PEX19: variants seen among roughly 807,000 people sequenced by gnomAD.
PEX19 encodes peroxisomal biogenesis factor 19.
In PEX19, 29 loss-of-function variants were observed where a neutral mutation model predicts 36.3. The ratio of observed to expected loss-of-function variants is 0.80; its 90% CI spans 0.60 to 1.09. PEX19 has a LOEUF of 1.09. Among genes scored for constraint, PEX19 ranks in the 50% least tolerant of loss-of-function variants. The pLI is 0.00. For synonymous variants in PEX19, 141 were observed against 135.2 expected (o/e 1.04, Z -0.30); for missense variants, 396 against 368.1 (o/e 1.08, Z -0.62).
Position 160,282,187 on chromosome 1 carries a change from G to A in PEX19, c.446C>T (p.Ser149Leu), listed in dbSNP as rs770461028. The A allele has an allele frequency of 4.3e-6, 7 of 1,614,070 alleles. No homozygotes were observed. Among genetic ancestry groups the A allele is most frequent in the South Asian group, 3.3e-5 (3 of 91,068 alleles). Residue 149 changes from serine (S) to leucine (L), a missense_variant, in exon 5 of 8, where the codon TCG (serine) becomes TTG (leucine). Coordinates refer to ENST00000368072, the MANE Select transcript of PEX19 (RefSeq NM_002857.4). ...CATGGCCTTGGTCAGCTCTTCTTCC[G>A]ACATGCTGGAGTTCTAGATAGGACA... The part of the protein sequence containing the change: ...NATDLQNSSM[S>L]EEELTKAMEG...
chr1:160,283,507 C>T (rs1657871401), intron 2 of PEX19, 23 bp downstream of exon 2: 1 of 1,539,324 alleles, frequency 6.5e-7, no homozygotes, highest in Non-Finnish European at 9.0e-7. Flanking sequence ...CCTCCCCATC[C>T]CTTAAGGGGG....
At position 160,283,071 on chromosome 1, in the gene PEX19, T is replaced by C. The variant is rs767113471; in HGVS notation, c.219A>G (p.Glu73=). Residue 73 remains glutamate (E), a synonymous_variant, in exon 3 of 8, where the codon GAA becomes GAG. Coordinates refer to ENST00000368072, the MANE Select transcript of PEX19 (RefSeq NM_002857.4). Reference sequence around the variant, plus strand: ...GGGAAGCCAGTTCACTGTCGAATAGTTCCTGGAAAAACTTCTCTTGGGAAG... The same window carrying C: ...GGGAAGCCAGTTCACTGTCGAATAGCTCCTGGAAAAACTTCTCTTGGGAAG... ...LFASQEKFFQ[E]LFDSELASQA... The C allele has an allele frequency of 6.8e-6, 11 of 1,613,906 alleles. No homozygotes were observed. Among genetic ancestry groups the C allele is most frequent in the African/African-American group, 2.7e-5 (2 of 74,904 alleles).
chr1:160,282,011 G>C, intron 5 of PEX19, 28 bp downstream of exon 5: 1 of 1,605,246 alleles, frequency 6.2e-7, no homozygotes. Context: ...AAAATGAAGA[G>C]AAAAAGCAGA....
chr1:160,279,841 T>G lies in PEX19; in HGVS notation c.776A>C (p.Gln259Pro). Reference protein sequence around the residue: ...EMVLDLMQQLQDLGHPPKELA... With the variant: ...EMVLDLMQQLPDLGHPPKELA... Reference sequence around the variant, plus strand: ...CTCTTTTGGAGGATGGCCTAAATCTTGTAGCTAGAAAATAAGGAAAATGGA... The same window carrying G: ...CTCTTTTGGAGGATGGCCTAAATCTGGTAGCTAGAAAATAAGGAAAATGGA... Residue 259 changes from glutamine (Q) to proline (P), a missense_variant, in exon 7 of 8, where the codon CAA becomes CCA. Coordinates refer to ENST00000368072, the MANE Select transcript of PEX19 (RefSeq NM_002857.4). 6.2e-7 allele frequency: 1 copy of G among 1,612,848 alleles called. No individual in the cohort carries two copies. The highest frequency in any genetic ancestry group is 8.5e-7 in the Non-Finnish European group (1 of 1,178,786).
rs1031514470 is a variant in PEX19 at position 160,277,017 on chromosome 1, G to C, written c.*2534C>G. The C allele has an allele frequency of 2.2e-6, 1 of 453,954 alleles. No homozygotes were observed. The highest frequency in any genetic ancestry group is 4.4e-6 in the Non-Finnish European group (1 of 226,792). 28.1% of individuals were successfully genotyped at this position (453,954 alleles called of 1,614,324 possible). ...GAAAAGGAAGGCTAGAGAAATGCTA[G>C]AGATGTCCTTACTAGTGACACATTC... On this transcript the variant is annotated 3_prime_UTR_variant, in exon 8 of 8. Coordinates refer to ENST00000368072, the MANE Select transcript of PEX19 (RefSeq NM_002857.4).
In PEX19 at chr1:160,278,466, G is replaced by C. The variant is rs1418875598; in HGVS notation, c.*1085C>G. On this transcript the variant is annotated 3_prime_UTR_variant, in exon 8 of 8. Coordinates refer to ENST00000368072, the MANE Select transcript of PEX19 (RefSeq NM_002857.4). Reference sequence around the variant, plus strand: ...AACTTACGGAAGCTGAGGAAGATCAGAAAAAGACCACACTCCTCACTCAGA... The same window carrying C: ...AACTTACGGAAGCTGAGGAAGATCACAAAAAGACCACACTCCTCACTCAGA... 2 of 548,420 alleles carry C rather than the reference G, an allele frequency of 3.6e-6. No homozygotes were observed. Among genetic ancestry groups the C allele is most frequent in the Non-Finnish European group, 6.9e-6 (2 of 289,672 alleles). The allele number at this position is 548,420 out of a possible 1,614,324, so 34.0% of individuals were successfully genotyped here. A position where few individuals can be genotyped will look rare whatever the true frequency, so the allele number is the denominator to read the frequency against.
chr1:160,279,670 A>AT lies in PEX19; in HGVS notation c.817-37dup, dbSNP rs774817184. ...GATGAAGGGACTCAGATAGTTGCTC[A>AT]TTTTTTAGGACAGACGTGAAGATCC... is the stretch of plus-strand genomic sequence containing the variant. On this transcript the variant is annotated intron_variant, in intron 7 of 7. Coordinates refer to ENST00000368072, the MANE Select transcript of PEX19 (RefSeq NM_002857.4). 6 of 1,582,756 alleles carry AT rather than the reference A, an allele frequency of 3.8e-6. No individual in the cohort carries two copies. The South Asian group carries it at 6.6e-5, about 18-fold the overall frequency.
Position 160,283,621 on chromosome 1 carries a change from T to A in PEX19, c.89A>T (p.Asp30Val). ...GGGTGCTGGGGAGGGTTTGGCTTTA[T>A]CGAAATCATCAAGAGCACCTTCAGA... ...ELLESALDDF[D>V]KAKPSPAPPS... Residue 30 changes from aspartate (D) to valine (V), a missense_variant, in exon 2 of 8, where the codon GAT (aspartate) becomes GTT (valine). Transcript: ENST00000368072. 6.2e-7 allele frequency: 1 copy of A among 1,613,980 alleles called. No homozygotes were observed. Among genetic ancestry groups the A allele is most frequent in the Non-Finnish European group, 8.5e-7 (1 of 1,179,842 alleles).
In PEX19 at chr1:160,277,860, CAG is replaced by C; in HGVS notation, c.*1689_*1690del. On this transcript the variant is annotated 3_prime_UTR_variant, in exon 8 of 8. Transcript: ENST00000368072. ...TGTATTTTTTCCATCTCTGGCAGAA[CAG>C]AGACGTTTTACATTCAGATCTGGGC... 1.6e-6 allele frequency: 1 copy of C among 633,044 alleles called. No homozygotes were observed. The highest frequency in any genetic ancestry group is 2.9e-6 in the Non-Finnish European group (1 of 343,884). 39.2% of individuals were successfully genotyped at this position (633,044 alleles called of 1,614,324 possible). A position where few individuals can be genotyped will look rare whatever the true frequency, so the allele number is the denominator to read the frequency against.
intron 3 of PEX19, 70 bp from the exon 4 acceptor site, chr1:160,282,572 G>T: frequency 8.6e-7 from 1 of 1,160,194 alleles, no homozygotes; most frequent in Non-Finnish European, 1.3e-6. Context: ...CTGGTTAACA[G>T]CTTGGATATG....
rs1657650730 is a variant in PEX19, at chr1:160,279,014, T to G, written c.*537A>C. The G allele has an allele frequency of 2.2e-6, 1 of 454,246 alleles. No individual in the cohort carries two copies. The highest frequency in any genetic ancestry group is 2.3e-5 in the Admixed American group (1 of 42,586). The allele number at this position is 454,246 out of a possible 1,614,324, so 28.1% of individuals were successfully genotyped here. A position where few individuals can be genotyped will look rare whatever the true frequency, so the allele number is the denominator to read the frequency against. ...TGATTAGATGCAAAAGCCCTTTCCC[T>G]TTAGAGAATTCAGAATGGTCTGTCT... On this transcript the variant is annotated 3_prime_UTR_variant, in exon 8 of 8. Coordinates refer to ENST00000368072, the MANE Select transcript of PEX19 (RefSeq NM_002857.4).
chr1:160,281,418 T>C (rs1442266502), intron 5 of PEX19: 3 of 160,622 alleles, frequency 1.9e-5, no homozygotes, highest in Non-Finnish European at 2.8e-5. Flanking sequence ...GTTAATTCTT[T>C]TTCTTTTTCA....
rs991496314 is a variant in PEX19, at chr1:160,282,542, G to A, written c.347-40C>T. 4 of 1,501,512 alleles carry A rather than the reference G, an allele frequency of 2.7e-6. No individual in the cohort carries two copies. In the African/African-American group the frequency reaches 5.5e-5, roughly 21 times the overall value. 93.0% of individuals were successfully genotyped at this position (1,501,512 alleles called of 1,614,324 possible). A position where few individuals can be genotyped will look rare whatever the true frequency, so the allele number is the denominator to read the frequency against. On this transcript the variant is annotated intron_variant, in intron 3 of 7. Coordinates refer to ENST00000368072, the MANE Select transcript of PEX19 (RefSeq NM_002857.4). The stretch of plus-strand genomic sequence containing the variant: ...AAAAGCCAGCGTCATTTAGGAGTTT[G>A]TTTCCTTGCCTAGACTGAACTGGTT...
In PEX19 at chr1:160,277,837, T is replaced by C; in HGVS notation, c.*1714A>G. 1 of 584,114 alleles carries C rather than the reference T, an allele frequency of 1.7e-6. No individual in the cohort carries two copies. The highest frequency in any genetic ancestry group is 3.9e-5 in the East Asian group (1 of 25,376). 36.2% of individuals were successfully genotyped at this position (584,114 alleles called of 1,614,324 possible). On this transcript the variant is annotated 3_prime_UTR_variant, in exon 8 of 8. Coordinates refer to ENST00000368072, the MANE Select transcript of PEX19 (RefSeq NM_002857.4). ...CATGACTATATCACAAGTATACCTG[T>C]ATTTTTTCCATCTCTGGCAGAACAG...
intron 5 of PEX19, chr1:160,281,134 C>T (rs1657756591): frequency 6.6e-6 from 1 of 152,142 alleles, no homozygotes; most frequent in African/African-American, 2.4e-5. Context: ...ATAGTGAGAG[C>T]TCAACTCTAC....
At position 160,277,833 on chromosome 1, in the gene PEX19, C is replaced by A. The variant is rs762562263; in HGVS notation, c.*1718G>T. On this transcript the variant is annotated 3_prime_UTR_variant, in exon 8 of 8. Transcript: ENST00000368072. ...GCCCCATGACTATATCACAAGTATA[C>A]CTGTATTTTTTCCATCTCTGGCAGA... 1.0e-5 allele frequency: 6 copies of A among 574,658 alleles called. No homozygotes were observed. Among genetic ancestry groups the A allele is most frequent in the South Asian group, 9.1e-5 (6 of 65,604 alleles). The allele number at this position is 574,658 out of a possible 1,614,324, so 35.6% of individuals were successfully genotyped here.
chr1:160,283,718 C>A, intron 1 of PEX19, 79 bp from the exon 2 acceptor site: 1 of 1,136,330 alleles, frequency 8.8e-7, no homozygotes, highest in South Asian at 1.2e-5. Flanking sequence ...CTGGGCAAAG[C>A]ATTAGGAATA....
chr1:160,282,469 G>C lies in PEX19; in HGVS notation c.380C>G (p.Ser127Cys). The C allele has an allele frequency of 3.7e-6, 6 of 1,614,134 alleles. No individual in the cohort carries two copies. The highest frequency in any genetic ancestry group is 5.1e-6 in the Non-Finnish European group (6 of 1,179,986). ...SDMTSQQEFT[S>C]CLKETLSGLA... ...TCCACTTAGTGTTTCCTTTAGGCAA[G>C]AAGTGAATTCTTGTTGGGAGGTCAT... Residue 127 changes from serine to cysteine, a missense_variant, in exon 4 of 8, where the codon TCT becomes TGT. Transcript: ENST00000368072.
Position 160,283,122 on chromosome 1 carries a change from G to A in PEX19, c.181-13C>T, listed in dbSNP as rs373288061. The A allele has an allele frequency of 6.2e-7, 1 of 1,612,716 alleles. No individual in the cohort carries two copies. The highest frequency in any genetic ancestry group is 8.5e-7 in the Non-Finnish European group (1 of 1,179,958). On this transcript the variant is annotated splice_polypyrimidine_tract_variant and intron_variant, in intron 2 of 7. Transcript: ENST00000368072. ...CGAAGAGGGCATCCTGCGGGGGAAG[G>A]ATGGCTGAAATGCGTCTCTTACTTA...
Sources: allele counts gnomAD v4.1 joint callset, GRCh38; gene constraint gnomAD v4.1.1; transcripts MANE v1.5; gene names NCBI Gene and HGNC (gene_info 2026-07-23, HGNC 2026-07-21).